The following BNIP3L variants were observed in gnomAD, a reference collection of about 807,000 sequenced individuals.
The protein encoded by BNIP3L is BCL2 interacting protein 3 like, also known as BCL2/adenovirus E1B 19 kDa protein-interacting protein 3-like.
In BNIP3L, 10 loss-of-function variants were observed where a neutral mutation model predicts 25.5. That is an observed-to-expected ratio of 0.39 (90% CI 0.24 to 0.67). The LOEUF is 0.67. Among genes scored for constraint, BNIP3L ranks in the 30% least tolerant of loss-of-function variants. BNIP3L has a pLI of 0.45. For synonymous variants in BNIP3L, 113 were observed against 101.2 expected (o/e 1.12, Z -0.70); for missense variants, 215 against 270.9 (o/e 0.79, Z 1.45).
At chr8:26,404,221 A>G (rs1349524510) in intron 3 of BNIP3L, among the ~76,000 whole-genome samples, 1 of 152,246 alleles carries the variant, frequency 6.6e-6, no homozygotes, top group African/African-American at 2.4e-5. Context: ...GATCTTAGCC[A>G]AAAGTCCGAG....
At chr8:26,407,166 C>G (rs149797642) in intron 3 of BNIP3L, among the ~76,000 whole-genome samples, 1 of 150,994 alleles carries the variant, frequency 6.6e-6, no homozygotes, top group Non-Finnish European at 1.5e-5. Context: ...CCACCATGCC[C>G]GGCTAATTTT....
chr8:26,409,187 C>T (rs1370371237), intron 5 of BNIP3L, among the ~76,000 whole-genome samples: 7 of 151,854 alleles, frequency 4.6e-5, no homozygotes, highest in East Asian at 1.9e-4. Context: ...CTCATATTTA[C>T]GTGTAATTCA....
At chr8:26,390,427 GT>G in intron 1 of BNIP3L, 1 of 985,390 alleles carries the variant, frequency 1.0e-6, no homozygotes, top group Non-Finnish European at 1.2e-6. Flanking sequence ...CTGATGTGCA[GT>G]TGTTTCTGCT....
intron 2 of BNIP3L, among the ~76,000 whole-genome samples, chr8:26,393,391 G>A (rs1370396802): frequency 2.1e-5 from 3 of 145,662 alleles, no homozygotes; most frequent in Non-Finnish European, 1.5e-5. Flanking sequence ...TCACCTTGAC[G>A]GCACACTAGA....
Position 26,412,681 on chromosome 8 carries a change from C to T in BNIP3L, c.*2269C>T, listed in dbSNP as rs552877172. ...CTGCTACACCCAGATTTGTGTTGAACGAAAACATTGTGGTTTGGAAAGGAG... is the reference window on the plus strand; with the variant it reads ...CTGCTACACCCAGATTTGTGTTGAATGAAAACATTGTGGTTTGGAAAGGAG... On this transcript the variant is annotated 3_prime_UTR_variant, in exon 6 of 6. Transcript: ENST00000380629. 6 of 152,600 alleles carry T rather than the reference C, an allele frequency of 3.9e-5. No homozygotes were observed. The highest frequency in any genetic ancestry group is 4.1e-4 in the South Asian group (2 of 4,828). 9.5% of individuals were successfully genotyped at this position (152,600 alleles called of 1,614,324 possible).
chr8:26,383,166 G>A lies in BNIP3L; in HGVS notation c.36G>A (p.Leu12=), dbSNP rs1200998588. 6.2e-7 allele frequency: 1 copy of A among 1,612,484 alleles called. No homozygotes were observed. The highest frequency in any genetic ancestry group is 1.7e-5 in the Admixed American group (1 of 59,954). Residue 12 remains leucine, a synonymous_variant, in exon 1 of 6, where the codon CTG becomes CTA. Transcript: ENST00000380629. ...SSHLVEPPPP[L]HNNNNNCEEN... ...ACCTAGTCGAGCCGCCGCCGCCCCT[G>A]CACAACAACAACAACAACTGCGAGG... is the stretch of plus-strand genomic sequence containing the variant.
At chr8:26,395,662 A>C (rs1806217287) in intron 3 of BNIP3L, 1 of 215,000 alleles carries the variant, frequency 4.7e-6, no homozygotes, top group African/African-American at 2.4e-5. Flanking sequence ...TACAGCTCCC[A>C]GCATGAGCGA....
chr8:26,384,286 G>C (rs1014616912), intron 1 of BNIP3L, among the ~76,000 whole-genome samples: 4 of 152,192 alleles, frequency 2.6e-5, no homozygotes, highest in African/African-American at 7.2e-5. Context: ...TTTCGTAAGA[G>C]GGAGGTGCTT....
chr8:26,386,081 C>T lies in BNIP3L; in HGVS notation c.100+2851C>T, dbSNP rs1010974463. Among the ~76,000 whole-genome samples, 12 of 152,168 alleles carry T rather than the reference C, an allele frequency of 7.9e-5. 1 individual carries two copies. The highest frequency in any genetic ancestry group is 5.9e-5 in the Non-Finnish European group (4 of 68,046). ...ACAGGAGAAGAAATGTACAGATTAT[C>T]TTGCGTTTGGGATTTTATCTTTGGT... On this transcript the variant is annotated intron_variant, in intron 1 of 5. Transcript: ENST00000380629.
intron 2 of BNIP3L, among the ~76,000 whole-genome samples, chr8:26,392,384 TTTC>T (rs1478405177): frequency 3.3e-5 from 5 of 152,362 alleles, no homozygotes; most frequent in East Asian, 3.9e-4. Context: ...TATGGATATG[TTTC>T]TTCTTAACAT....
Position 26,401,691 on chromosome 8 carries a change from A to T in BNIP3L, c.358-6309A>T, listed in dbSNP as rs143458833. Reference sequence around the variant, plus strand: ...ATGAAGACTTTTTTTTGCATCTGAAATCAAAGCAGTGGCTTTTGAGATAAA... The same window carrying T: ...ATGAAGACTTTTTTTTGCATCTGAATTCAAAGCAGTGGCTTTTGAGATAAA... On this transcript the variant is annotated intron_variant, in intron 3 of 5. Transcript: ENST00000380629. Among the ~76,000 whole-genome samples, 495 of 151,956 alleles carry T rather than the reference A, an allele frequency of 3.3e-3. 5 individuals carry two copies. The highest frequency in any genetic ancestry group is 0.011 in the African/African-American group (467 of 41,514).
chr8:26,388,070 A>G (rs981673846), intron 1 of BNIP3L, among the ~76,000 whole-genome samples: 8 of 152,234 alleles, frequency 5.3e-5, no homozygotes, highest in African/African-American at 1.7e-4. Flanking sequence ...AAACAGACCT[A>G]TATTTCATTG....
chr8:26,408,656 G>A (rs558080712), intron 5 of BNIP3L, among the ~76,000 whole-genome samples: 1 of 152,272 alleles, frequency 6.6e-6, no homozygotes, highest in Admixed American at 6.5e-5. Context: ...TGGATGACCT[G>A]AGGCCAGGAG....
intron 5 of BNIP3L, among the ~76,000 whole-genome samples, chr8:26,408,829 G>A (rs147506820): frequency 0.2 from 28,790 of 146,798 alleles, 3,004 homozygotes; most frequent in East Asian, 0.41. Flanking sequence ...CCGAGATCAT[G>A]CCACTGCACT....
chr8:26,408,201 C>T (rs1563343728), intron 4 of BNIP3L, 26 bp from the exon 5 acceptor site: 1 of 1,612,416 alleles, frequency 6.2e-7, no homozygotes, highest in Non-Finnish European at 8.5e-7. Context: ...CAGCAAATGA[C>T]ATCTGCCTCT....
intron 3 of BNIP3L, among the ~76,000 whole-genome samples, chr8:26,407,178 TTTTG>T (rs1806519816): frequency 6.8e-6 from 1 of 147,810 alleles, no homozygotes; most frequent in Non-Finnish European, 1.5e-5. Context: ...GCTAATTTTT[TTTTG>T]TTTTGTTTTG....
intron 2 of BNIP3L, 38 bp downstream of exon 2, chr8:26,391,464 A>C: frequency 6.7e-7 from 1 of 1,482,284 alleles, no homozygotes; most frequent in African/African-American, 1.4e-5. Flanking sequence ...TTCAGGAAAC[A>C]GGTGGGTTAC....
At chr8:26,409,623 G>T (rs1185800777) in intron 5 of BNIP3L, among the ~76,000 whole-genome samples, 1 of 152,148 alleles carries the variant, frequency 6.6e-6, no homozygotes. Flanking sequence ...TTAATACATT[G>T]CTGCCTATAC....
chr8:26,389,210 C>G (rs1165780576), intron 1 of BNIP3L, among the ~76,000 whole-genome samples: 1 of 152,020 alleles, frequency 6.6e-6, no homozygotes, highest in Non-Finnish European at 1.5e-5. Flanking sequence ...ACAAGAAGAA[C>G]TGGTCCCATT....
Sources: gnomAD v4.1 joint callset for allele counts (sites outside exome capture counted in the v4.1 genomes callset) on GRCh38, gnomAD v4.1.1 for gene constraint, MANE v1.5 for transcripts, NCBI Gene and HGNC (gene_info 2026-07-23, HGNC 2026-07-21) for gene names.